The following HPD variants were observed in gnomAD, a reference collection of about 807,000 sequenced individuals.
HPD encodes 4-hydroxyphenylpyruvic acid oxidase.
A neutral mutation model predicts 56.9 loss-of-function variants in HPD; 35 were observed. The ratio of observed to expected loss-of-function variants is 0.62; its 90% CI spans 0.47 to 0.82. The LOEUF (loss-of-function observed/expected upper bound fraction) is 0.82. HPD is among the 40% of genes least tolerant of loss of function. The probability of loss-of-function intolerance (pLI) is 0.00; values close to 1 mark genes in which losing one functional copy is unlikely to be tolerated. For missense variants in HPD, 442 were observed against 506.8 expected, an observed-to-expected ratio of 0.87 and a Z score of 1.23; for synonymous variants, 186 against 200.2, an observed-to-expected ratio of 0.93 and a Z score of 0.60.
the HPD span, among the ~76,000 whole-genome samples, chr12:121,885,417 G>T: frequency 6.7e-6 from 1 of 148,370 alleles, no homozygotes; most frequent in African/African-American, 2.5e-5. Context: ...GGCCAGGATG[G>T]TCTCCATCTC....
intron 12 of HPD, among the ~76,000 whole-genome samples, chr12:121,842,415 G>C (rs1450654103): frequency 1.3e-5 from 2 of 151,990 alleles, no homozygotes; most frequent in East Asian, 3.9e-4. Flanking sequence ...ATAGGTGTGA[G>C]CCACTGTGTC....
In HPD at chr12:121,839,837, C is replaced by T. The variant is rs2137605680; in HGVS notation, c.1073G>A (p.Gly358Asp). 6.2e-7 allele frequency: 1 copy of T among 1,614,094 alleles called. No individual in the cohort carries two copies. The highest frequency in any genetic ancestry group is 2.2e-5 in the East Asian group (1 of 44,886). ...LEVIQRHNHQGFGAGNFNSLF... is the reference protein window; with the variant it reads ...LEVIQRHNHQDFGAGNFNSLF... ...TGAGTTGAAGTTGCCGGCTCCAAAA[C>T]CCTGTGGCGGGAAAGAGAGGAGATG... is the stretch of plus-strand genomic sequence containing the variant. Residue 358 changes from glycine (G) to aspartate (D), a missense_variant and splice_region_variant, in exon 14 of 14, where the codon GGT (glycine) becomes GAT (aspartate). Transcript: ENST00000289004.
At chr12:121,857,177 T>C in intron 4 of HPD, 151 bp downstream of exon 4, 1 of 643,630 alleles carries the variant, frequency 1.6e-6, no homozygotes, top group East Asian at 2.8e-5. Context: ...CCTCCCGGGT[T>C]CAAGCGATGT....
At chr12:121,888,593 C>T in the HPD span, 1 of 492,990 alleles carries the variant, frequency 2.0e-6, no homozygotes, top group South Asian at 2.3e-5. Flanking sequence ...CATCCCCTAG[C>T]GTTGGTGTGC....
At chr12:121,859,880 C>G (rs995976773), upstream of HPD, among the ~76,000 whole-genome samples, 3 of 152,288 alleles carry the variant, frequency 2.0e-5, no homozygotes, top group African/African-American at 7.2e-5. Context: ...AACTGGGGGC[C>G]GGGGGTGGTG....
At position 121,839,613 on chromosome 12, in the gene HPD, G is replaced by C; in HGVS notation, c.*115C>G. 1.3e-6 allele frequency: 1 copy of C among 786,420 alleles called. No homozygotes were observed. The highest frequency in any genetic ancestry group is 2.6e-5 in the East Asian group (1 of 38,450). The allele number at this position is 786,420 out of a possible 1,614,324, so 48.7% of individuals were successfully genotyped here. A position where few individuals can be genotyped will look rare whatever the true frequency, so the allele number is the denominator to read the frequency against. On this transcript the variant is annotated 3_prime_UTR_variant, in exon 14 of 14. Coordinates refer to ENST00000289004, the MANE Select transcript of HPD (RefSeq NM_002150.3). ...TGGTCAGTGTGGGCGGAGCCTTGGG[G>C]GCCGAGTCCGCTGGTGGGCGGGACC...
At chr12:121,884,344 C>A in the HPD span, among the ~76,000 whole-genome samples, 2 of 151,874 alleles carry the variant, frequency 1.3e-5, no homozygotes, top group African/African-American at 4.8e-5. Context: ...TGTATTTTTA[C>A]TAGAGATGGG....
upstream of HPD, among the ~76,000 whole-genome samples, chr12:121,859,476 C>G (rs1878120391): frequency 6.6e-6 from 1 of 152,180 alleles, no homozygotes; most frequent in Admixed American, 6.6e-5. Flanking sequence ...GGACAGAGAA[C>G]ATTCCTAGGC....
At chr12:121,868,131 A>G (rs150755909), upstream of HPD, among the ~76,000 whole-genome samples, 32 of 152,248 alleles carry the variant, frequency 2.1e-4, no homozygotes, top group Middle Eastern at 3.4e-3. Flanking sequence ...CAAGGCTGCA[A>G]TGATCACTTC....
rs11043216 is a variant in HPD, at chr12:121,856,989, C to G, written c.198+339G>C. 163,219 of 490,244 alleles carry G rather than the reference C, an allele frequency of 0.33. 29,055 individuals carry two copies. Among genetic ancestry groups the G allele is most frequent in the Non-Finnish European group, 0.38 (103,595 of 269,638 alleles). The allele number at this position is 490,244 out of a possible 1,614,324, so 30.4% of individuals were successfully genotyped here. The stretch of plus-strand genomic sequence containing the variant: ...AGGAGGAAACGAAACTAGGAAGGGC[C>G]GTGTTGCATGGCTGTACAAAGATGC... On this transcript the variant is annotated intron_variant, in intron 4 of 13. Coordinates refer to ENST00000289004, the MANE Select transcript of HPD (RefSeq NM_002150.3).
At chr12:121,847,379 C>T (rs1265014265) in intron 9 of HPD, among the ~76,000 whole-genome samples, 165 bp from the exon 10 acceptor site, 1 of 151,978 alleles carries the variant, frequency 6.6e-6, no homozygotes, top group African/African-American at 2.4e-5. Context: ...TGTTGTTGCT[C>T]GAGACAGAGT....
chr12:121,854,059 C>T (rs1877906584), intron 7 of HPD, among the ~76,000 whole-genome samples: 1 of 152,182 alleles, frequency 6.6e-6, no homozygotes, highest in Admixed American at 6.6e-5. Flanking sequence ...ACCATCCTGG[C>T]TAACACGGTG....
At chr12:121,876,193 C>T in the HPD span, among the ~76,000 whole-genome samples, 1 of 152,114 alleles carries the variant, frequency 6.6e-6, no homozygotes, top group Admixed American at 6.6e-5. Context: ...CGCCTGTAGT[C>T]CCAGCTACCT....
In HPD at chr12:121,839,794, C is replaced by T. The variant is rs2137605580; in HGVS notation, c.1116G>A (p.Glu372=). Residue 372 remains glutamate, a synonymous_variant, in exon 14 of 14, where the codon GAG becomes GAA. Coordinates refer to ENST00000289004, the MANE Select transcript of HPD (RefSeq NM_002150.3). The part of the protein sequence containing the change: ...GNFNSLFKAF[E]EEQNLRGNLT... ...GGTTACCCCGCAGGTTCTGCTCCTC[C>T]TCGAAAGCCTTGAACAGTGAGTTGA... is the stretch of plus-strand genomic sequence containing the variant. The T allele has an allele frequency of 6.2e-7, 1 of 1,614,222 alleles. No individual in the cohort carries two copies.
chr12:121,857,298 T>G (rs1592923808), intron 4 of HPD, 30 bp downstream of exon 4: 1 of 1,413,796 alleles, frequency 7.1e-7, no homozygotes, highest in South Asian at 1.1e-5. Flanking sequence ...CAGGCAGGGG[T>G]TGGGGGCTGT....
chr12:121,886,023 G>A, the HPD span, among the ~76,000 whole-genome samples: 4 of 151,112 alleles, frequency 2.6e-5, no homozygotes, highest in Admixed American at 2.0e-4. Flanking sequence ...TTGAACTCCT[G>A]ACCTCAGGTG....
At chr12:121,867,385 G>A (rs371726938), upstream of HPD, among the ~76,000 whole-genome samples, 23 of 150,460 alleles carry the variant, frequency 1.5e-4, 1 homozygote, top group East Asian at 1.8e-3. Flanking sequence ...ATTCATCCAC[G>A]TTGATGCTTG....
At chr12:121,846,959 C>G in intron 10 of HPD, 26 bp from the exon 11 acceptor site, 1 of 1,613,534 alleles carries the variant, frequency 6.2e-7, no homozygotes, top group East Asian at 2.2e-5. Context: ...AAGGAGACCA[C>G]TGTCATTTGC....
At chr12:121,843,640 T>C in intron 12 of HPD, 70 bp downstream of exon 12, 3 of 1,589,926 alleles carry the variant, frequency 1.9e-6, no homozygotes, top group Admixed American at 1.7e-5. Context: ...GCTGAGACAA[T>C]ATTTCTGAAA....
Sources: gnomAD v4.1 joint callset for allele counts (sites outside exome capture counted in the v4.1 genomes callset) on GRCh38, gnomAD v4.1.1 for gene constraint, MANE v1.5 for transcripts, NCBI Gene and HGNC (gene_info 2026-07-23, HGNC 2026-07-21) for gene names.